The following SEMA6B variants were observed in gnomAD, a reference collection of about 807,000 sequenced individuals.
SEMA6B encodes semaphorin-6B.
In SEMA6B, 47 loss-of-function variants were observed where a neutral mutation model predicts 78.6. The ratio of observed to expected loss-of-function variants is 0.60; its 90% CI spans 0.47 to 0.76. The LOEUF is 0.76. Ranked by LOEUF, SEMA6B falls within the 30% of genes least tolerant of loss-of-function variation. SEMA6B has a pLI of 0.00. For missense variants in SEMA6B, 1,213 were observed against 1,269.9 expected, an observed-to-expected ratio of 0.96 and a Z score of 0.68; for synonymous variants, 632 against 592.2, an observed-to-expected ratio of 1.07 and a Z score of -0.98.
Position 4,543,388 on chromosome 19 carries a change from C to A in SEMA6B, c.*213G>T. 2.5e-6 allele frequency: 1 copy of A among 403,622 alleles called. No individual in the cohort carries two copies. Among genetic ancestry groups the A allele is most frequent in the Non-Finnish European group, 4.4e-6 (1 of 229,154 alleles). 25.0% of individuals were successfully genotyped at this position (403,622 alleles called of 1,614,324 possible). A position where few individuals can be genotyped will look rare whatever the true frequency, so the allele number is the denominator to read the frequency against. Reference sequence around the variant, plus strand: ...TAGCAAAGTCCTCCCGCCCACCCACCCCCAAACCGTCTCAGCGTCCTGCGG... The same window carrying A: ...TAGCAAAGTCCTCCCGCCCACCCACACCCAAACCGTCTCAGCGTCCTGCGG... On this transcript the variant is annotated 3_prime_UTR_variant, in exon 17 of 17. Coordinates refer to ENST00000586582, the MANE Select transcript of SEMA6B (RefSeq NM_032108.4).
intron 5 of SEMA6B, among the ~76,000 whole-genome samples, chr19:4,556,569 G>T (rs1261680485): frequency 6.6e-6 from 1 of 150,400 alleles, no homozygotes; most frequent in East Asian, 2.0e-4. Flanking sequence ...TCGGGATGGG[G>T]ACCTGATCGA....
Position 4,556,996 on chromosome 19 carries a change from A to G in SEMA6B, c.324T>C (p.Ser108=), listed in dbSNP as rs749608207. Residue 108 remains serine, a synonymous_variant, in exon 5 of 17, where the codon TCT becomes TCC. Coordinates refer to ENST00000586582, the MANE Select transcript of SEMA6B (RefSeq NM_032108.4). ...LRYQRKLTWR[S]NPSDINVCRM... Reference sequence around the variant, plus strand: ...GACACACGTTTATGTCGCTGGGGTTAGATCTCCAGGTCAGCTTCTGCAGAC... The same window carrying G: ...GACACACGTTTATGTCGCTGGGGTTGGATCTCCAGGTCAGCTTCTGCAGAC... 5.0e-6 allele frequency: 8 copies of G among 1,613,140 alleles called. No homozygotes were observed. The East Asian group carries it at 1.1e-4, about 22-fold the overall frequency.
Position 4,555,048 on chromosome 19 carries a change from C to A in SEMA6B, c.610G>T (p.Ala204Ser). Residue 204 changes from alanine to serine, a missense_variant, in exon 8 of 17, where the codon GCT becomes TCT. Coordinates refer to ENST00000586582, the MANE Select transcript of SEMA6B (RefSeq NM_032108.4). The surrounding 1 kb of genome is among the most constrained non-coding windows in gnomAD (Gnocchi z 6.1). ...ATVTDFLAID[A>S]VIYRSLGDRP... ...TCCCCGAGGCTGCGGTAGATGACAGCATCAATGGCTAGGAAGTCGGTAACA... is the reference window on the plus strand; with the variant it reads ...TCCCCGAGGCTGCGGTAGATGACAGAATCAATGGCTAGGAAGTCGGTAACA... The A allele has an allele frequency of 6.2e-7, 1 of 1,613,952 alleles. No individual in the cohort carries two copies. Among genetic ancestry groups the A allele is most frequent in the Admixed American group, 1.7e-5 (1 of 60,006 alleles).
intron 3 of SEMA6B, among the ~76,000 whole-genome samples, chr19:4,557,632 G>A (rs533567734): frequency 6.6e-6 from 1 of 152,126 alleles, no homozygotes; most frequent in South Asian, 2.1e-4. Context: ...GATCTGTCCG[G>A]TCTCTCTCCT....
intron 14 of SEMA6B, 68 bp downstream of exon 14, chr19:4,547,959 C>T: frequency 6.8e-7 from 1 of 1,466,088 alleles, no homozygotes; most frequent in Non-Finnish European, 9.0e-7. Flanking sequence ...GACTGGAACC[C>T]AGCTGTCCCT....
intron 10 of SEMA6B, among the ~76,000 whole-genome samples, chr19:4,551,303 T>C (rs1977326423): frequency 6.7e-6 from 1 of 149,762 alleles, no homozygotes; most frequent in African/African-American, 2.5e-5. Context: ...CACTGTAACC[T>C]ACACCTCCCA....
Position 4,554,420 on chromosome 19 carries a change from C to A in SEMA6B, c.739G>T (p.Glu247Ter). The change falls in exon 9 of 17, where the codon GAG becomes TAG. Residue 247 changes from glutamate to a stop codon, truncating the protein, a stop_gained. Transcript: ENST00000586582. LOFTEE classifies it high-confidence loss of function. ...AGGTAGTTAAACTCCATCGCAATCT[C>A]CCGGAAGAAGAAGTAGACATGGCTG... The part of the protein sequence containing the change: ...WGSHVYFFFR[E>*]IAMEFNYLEK... 1 of 1,614,018 alleles carries A rather than the reference C, an allele frequency of 6.2e-7. No individual in the cohort carries two copies. The highest frequency in any genetic ancestry group is 8.5e-7 in the Non-Finnish European group (1 of 1,179,996).
rs1977094898 is a variant in SEMA6B, at chr19:4,544,021, G to A, written c.2247C>T (p.Ser749=). Residue 749 remains serine, a synonymous_variant, in exon 17 of 17, where the codon TCC becomes TCT. Transcript: ENST00000586582. The surrounding 1 kb of genome is among the most constrained non-coding windows in gnomAD (Gnocchi z 5.1). Reference sequence around the variant, plus strand: ...CCCGGGCGGGCGCCAGCAGCAGGAGGGAGGATGAAGCGGAGGCCGGGAGCA... The same window carrying A: ...CCCGGGCGGGCGCCAGCAGCAGGAGAGAGGATGAAGCGGAGGCCGGGAGCA... The part of the protein sequence containing the change: ...HPLLPASASS[S]LLLLAPARAP... 2.5e-6 allele frequency: 3 copies of A among 1,216,460 alleles called. No homozygotes were observed. The highest frequency in any genetic ancestry group is 4.4e-5 in the Admixed American group (1 of 22,798). 75.4% of individuals were successfully genotyped at this position (1,216,460 alleles called of 1,614,324 possible). A position where few individuals can be genotyped will look rare whatever the true frequency, so the allele number is the denominator to read the frequency against.
Position 4,556,007 on chromosome 19 carries a change from G to T in SEMA6B, c.452C>A (p.Pro151Gln). The T allele has an allele frequency of 6.2e-7, 1 of 1,614,040 alleles. No homozygotes were observed. The highest frequency in any genetic ancestry group is 8.5e-7 in the Non-Finnish European group (1 of 1,179,914). Residue 151 changes from proline to glutamine, a missense_variant, in exon 6 of 17, where the codon CCG becomes CAG. Physicochemically the swap from Pro to Gln is moderately conservative, Grantham distance 76. Transcript: ENST00000586582. The part of the protein sequence containing the change: ...LFVCGSNAFN[P>Q]VCANYSIDTL... ...ACTCACGCTGTAGTTGGCGCACACC[G>T]GGTTGAAGGCGTTGGAACCGCACAC...
In SEMA6B at chr19:4,548,417, C is replaced by G. The variant is rs146426032; in HGVS notation, c.1300G>C (p.Val434Leu). Residue 434 changes from valine (V) to leucine (L), a missense_variant, in exon 13 of 17, where the codon GTG (valine) becomes CTG (leucine). Transcript: ENST00000586582. ...TGGTTGCCCCAGGGGCCGGCTCCCA[C>G]GTCCACAGCCACTCGAGTCAGCTGG... Reference protein sequence around the residue: ...RHQLTRVAVDVGAGPWGNQTV... With the variant: ...RHQLTRVAVDLGAGPWGNQTV... 1.2e-6 allele frequency: 2 copies of G among 1,612,720 alleles called. No homozygotes were observed. The highest frequency in any genetic ancestry group is 2.2e-5 in the East Asian group (1 of 44,886).
chr19:4,548,109 A>C lies in SEMA6B; in HGVS notation c.1519T>G (p.Ser507Ala), dbSNP rs368853688. 1.3e-4 allele frequency: 202 copies of C among 1,591,778 alleles called. No homozygotes were observed. Among genetic ancestry groups the C allele is most frequent in the Middle Eastern group, 1.7e-4 (1 of 6,034 alleles). ...RLLSLELDAA[S>A]GGLLAAFPRC... ...GGGAAGGCAGCCAGCAGGCCCCCCGAAGCTGCGTCCAGCTCCAAGCTCAGC... is the reference window on the plus strand; with the variant it reads ...GGGAAGGCAGCCAGCAGGCCCCCCGCAGCTGCGTCCAGCTCCAAGCTCAGC... Residue 507 changes from serine to alanine, a missense_variant, in exon 14 of 17, where the codon TCG becomes GCG. By Grantham distance (99) the Ser-to-Ala change is moderately conservative (BLOSUM62 1). Coordinates refer to ENST00000586582, the MANE Select transcript of SEMA6B (RefSeq NM_032108.4).
rs896207057 is a variant in SEMA6B at position 4,558,230 on chromosome 19, G to A, written c.122-81C>T. On this transcript the variant is annotated intron_variant, in intron 2 of 16. Coordinates refer to ENST00000586582, the MANE Select transcript of SEMA6B (RefSeq NM_032108.4). This position sits in a 1 kb window ranked among gnomAD's most constrained non-coding sequence, Gnocchi z 5.1. ...GCCTGAGGTCATGCCCCTTCTAGGG[G>A]TGGCTCCTGGACTGCTTGAGTCCCC... is the stretch of plus-strand genomic sequence containing the variant. 3.0e-6 allele frequency: 4 copies of A among 1,342,040 alleles called. No individual in the cohort carries two copies. Among genetic ancestry groups the A allele is most frequent in the Non-Finnish European group, 9.7e-7 (1 of 1,034,698 alleles). The allele number at this position is 1,342,040 out of a possible 1,614,324, so 83.1% of individuals were successfully genotyped here. A position where few individuals can be genotyped will look rare whatever the true frequency, so the allele number is the denominator to read the frequency against.
Position 4,550,375 on chromosome 19 carries a change from T to TTTG in SEMA6B, c.1122-106_1122-104dup, listed in dbSNP as rs1260667444. ...GCTTTGCCCAACGACCCTCAGGTTT[T>TTTG]TTGTTTGTTTTGTTTTTGAGACAGA... On this transcript the variant is annotated intron_variant, in intron 11 of 16. Transcript: ENST00000586582. The surrounding 1 kb of genome is among the most constrained non-coding windows in gnomAD (Gnocchi z 6.6). 10 of 1,219,456 alleles carry TTTG rather than the reference T, an allele frequency of 8.2e-6. 1 individual carries two copies. Among genetic ancestry groups the TTTG allele is most frequent in the Non-Finnish European group, 1.1e-5 (10 of 897,528 alleles). The allele number at this position is 1,219,456 out of a possible 1,614,324, so 75.5% of individuals were successfully genotyped here. A position where few individuals can be genotyped will look rare whatever the true frequency, so the allele number is the denominator to read the frequency against.
chr19:4,551,371 C>G (rs1040379686), intron 10 of SEMA6B, among the ~76,000 whole-genome samples: 4 of 151,814 alleles, frequency 2.6e-5, no homozygotes, highest in Admixed American at 6.6e-5. Context: ...AGGTGCCCAC[C>G]ACCACACCCA....
intron 10 of SEMA6B, among the ~76,000 whole-genome samples, chr19:4,551,614 G>A (rs1215570985): frequency 6.6e-6 from 1 of 151,474 alleles, no homozygotes; most frequent in Admixed American, 6.6e-5. Context: ...GGTGGATCAC[G>A]AGGTCAGGAG....
rs1198969016 is a variant in SEMA6B, at chr19:4,544,543, A to C, written c.1739-14T>G. ...CCCGCAGGAGTCCTGGCCGGGGAGC[A>C]CAGGGGGGTTAGTGGGGCCGGCGGG... is the stretch of plus-strand genomic sequence containing the variant. On this transcript the variant is annotated splice_polypyrimidine_tract_variant and intron_variant, in intron 16 of 16. Transcript: ENST00000586582. This position sits in a 1 kb window ranked among gnomAD's most constrained non-coding sequence, Gnocchi z 5.1. 4 of 1,478,084 alleles carry C rather than the reference A, an allele frequency of 2.7e-6. No homozygotes were observed. In the African/African-American group the frequency reaches 5.8e-5, roughly 21 times the overall value. 91.6% of individuals were successfully genotyped at this position (1,478,084 alleles called of 1,614,324 possible).
Position 4,552,339 on chromosome 19 carries a change from G to A in SEMA6B, c.989+83C>T. The A allele has an allele frequency of 1.5e-6, 2 of 1,356,648 alleles. No homozygotes were observed. The highest frequency in any genetic ancestry group is 2.5e-5 in the East Asian group (1 of 39,896). The allele number at this position is 1,356,648 out of a possible 1,614,324, so 84.0% of individuals were successfully genotyped here. A position where few individuals can be genotyped will look rare whatever the true frequency, so the allele number is the denominator to read the frequency against. On this transcript the variant is annotated intron_variant, in intron 10 of 16. Coordinates refer to ENST00000586582, the MANE Select transcript of SEMA6B (RefSeq NM_032108.4). The surrounding 1 kb of genome is among the most constrained non-coding windows in gnomAD (Gnocchi z 7.4). ...CAGTGGTGCCCAACCTAGCACCCAG[G>A]GCATACCTGAGGAGTGAATACAGGC...
intron 12 of SEMA6B, among the ~76,000 whole-genome samples, chr19:4,549,299 C>CTTTTTTTTTT: frequency 2.0e-5 from 2 of 98,586 alleles, no homozygotes; most frequent in Admixed American, 1.3e-4. Flanking sequence ...CTGTCTACCT[C>CTTTTTTTTTT]TTTTTTTTTT....
chr19:4,546,081 C>T (rs1447006327), intron 16 of SEMA6B, 135 bp downstream of exon 16: 1 of 967,214 alleles, frequency 1.0e-6, no homozygotes, highest in Non-Finnish European at 1.5e-6. Context: ...CACCCCATGC[C>T]TTTCTAAAGT....
Sources: allele counts gnomAD v4.1 joint callset (sites outside exome capture counted in the v4.1 genomes callset), GRCh38; gene constraint gnomAD v4.1.1; non-coding constraint Gnocchi (gnomAD v3.1); transcripts MANE v1.5; gene names NCBI Gene and HGNC (gene_info 2026-07-23, HGNC 2026-07-21).